The following CDH12 variants were observed in gnomAD, a reference collection of about 807,000 sequenced individuals.
CDH12 encodes cadherin-12.
In CDH12, 41 loss-of-function variants were observed where a neutral mutation model predicts 74.1. That is an observed-to-expected ratio of 0.55 (90% CI 0.43 to 0.72). The LOEUF is 0.72. Among genes scored for constraint, CDH12 ranks in the 30% least tolerant of loss-of-function variants. CDH12 has a pLI of 0.00. For missense variants in CDH12, 945 were observed against 977.2 expected (o/e 0.97, Z 0.44); for synonymous variants, 399 against 355.0 (o/e 1.12, Z -1.39).
At position 22,109,476 on chromosome 5, in the gene CDH12, G is replaced by A. The variant is rs1314990275; in HGVS notation, c.-186-30614C>T. ...TCAGGGAACAAGCACAAAACATGCT[G>A]ATAATACTGTTTACTGCTGTCACTA... is the stretch of plus-strand genomic sequence containing the variant. On this transcript the variant is annotated intron_variant, in intron 4 of 14. Coordinates refer to ENST00000382254, the MANE Select transcript of CDH12 (RefSeq NM_004061.5). 4.6e-5 allele frequency among the ~76,000 whole-genome samples: 7 copies of A among 152,174 alleles called. No homozygotes were observed. In the East Asian group the frequency reaches 1.4e-3, roughly 29 times the overall value.
intron 4 of CDH12, among the ~76,000 whole-genome samples, chr5:22,081,307 TG>T (rs1742711133): frequency 6.6e-6 from 1 of 152,202 alleles, no homozygotes; most frequent in African/African-American, 2.4e-5. Flanking sequence ...GAGAATCTTT[TG>T]CATCTATTTC....
chr5:21,841,078 A>G lies in CDH12; in HGVS notation c.814+1083T>C, dbSNP rs540629639. Among the ~76,000 whole-genome samples the G allele has an allele frequency of 9.9e-5, 15 of 152,246 alleles. No homozygotes were observed. The East Asian group carries it at 2.9e-3, about 29-fold the overall frequency. On this transcript the variant is annotated intron_variant, in intron 8 of 14. Coordinates refer to ENST00000382254, the MANE Select transcript of CDH12 (RefSeq NM_004061.5). ...CATCAGAGTGAACAGGCAACCCACAAAATGGGAGAAAATTTTCGCAAGCTA... is the reference window on the plus strand; with the variant it reads ...CATCAGAGTGAACAGGCAACCCACAGAATGGGAGAAAATTTTCGCAAGCTA...
intron 6 of CDH12, among the ~76,000 whole-genome samples, chr5:21,904,374 G>A (rs1753539598): frequency 6.6e-6 from 1 of 152,046 alleles, no homozygotes; most frequent in Admixed American, 6.6e-5. Context: ...AATAATAATG[G>A]GATGATTATC....
In CDH12 at chr5:21,884,020, T is replaced by C. The variant is rs1344877936; in HGVS notation, c.527-29230A>G. On this transcript the variant is annotated intron_variant, in intron 6 of 14. Coordinates refer to ENST00000382254, the MANE Select transcript of CDH12 (RefSeq NM_004061.5). ...AAAAGAACACTCAAAATTCCAGCAA[T>C]GACCACTGCTACGAATGCAGGTGTT... is the stretch of plus-strand genomic sequence containing the variant. 1.6e-5 allele frequency: 23 copies of C among 1,482,450 alleles called. 1 individual carries two copies. The South Asian group carries it at 2.4e-4, about 15-fold the overall frequency. 91.8% of individuals were successfully genotyped at this position (1,482,450 alleles called of 1,614,324 possible). A position where few individuals can be genotyped will look rare whatever the true frequency, so the allele number is the denominator to read the frequency against.
At position 21,755,683 on chromosome 5, in the gene CDH12, A is replaced by G. The variant is rs1252150914; in HGVS notation, c.1793T>C (p.Ile598Thr). 1.9e-6 allele frequency: 3 copies of G among 1,614,036 alleles called. No homozygotes were observed. Among genetic ancestry groups the G allele is most frequent in the Admixed American group, 1.7e-5 (1 of 59,992 alleles). Residue 598 changes from isoleucine (I) to threonine (T), a missense_variant, in exon 14 of 15, where the codon ATC (isoleucine) becomes ACC (threonine). Physicochemically the swap from Ile to Thr is moderately conservative, Grantham distance 89. Coordinates refer to ENST00000382254, the MANE Select transcript of CDH12 (RefSeq NM_004061.5). ...AATTGCTTCCACATTACAAGACAGG[A>G]TGGTGCCATCAGAGTCACATCTACA... ...RVCRCDSDGTILSCNVEAIFL... is the reference protein window; with the variant it reads ...RVCRCDSDGTTLSCNVEAIFL...
chr5:21,813,367 C>G (rs528887872), intron 9 of CDH12, among the ~76,000 whole-genome samples: 2 of 152,098 alleles, frequency 1.3e-5, no homozygotes, highest in Non-Finnish European at 2.9e-5. Flanking sequence ...GTAATCCCAA[C>G]TACTTGGGAG....
chr5:22,786,066 A>T (rs1190532236), intron 1 of CDH12, among the ~76,000 whole-genome samples: 2 of 152,268 alleles, frequency 1.3e-5, no homozygotes, highest in Non-Finnish European at 2.9e-5. Context: ...ACTCAACTTA[A>T]ATGCCTATCA....
chr5:22,275,335 TG>T (rs1736586480), intron 3 of CDH12, among the ~76,000 whole-genome samples: 1 of 151,742 alleles, frequency 6.6e-6, no homozygotes, highest in South Asian at 2.1e-4. Flanking sequence ...ACATGAAAGT[TG>T]AAAAAAAAAG....
intron 5 of CDH12, among the ~76,000 whole-genome samples, chr5:22,020,056 T>C (rs1737866786): frequency 6.6e-6 from 1 of 152,160 alleles, no homozygotes; most frequent in Admixed American, 6.5e-5. Flanking sequence ...TGGAAGAATC[T>C]TCTGGAAGTG....
At chr5:22,072,564 G>GTGTA (rs1359665430) in intron 5 of CDH12, among the ~76,000 whole-genome samples, 2 of 138,118 alleles carry the variant, frequency 1.4e-5, no homozygotes, top group African/African-American at 5.8e-5. Context: ...GTGTGTGTGT[G>GTGTA]TGTTTAGGCT....
At chr5:22,509,437 T>C (rs1736514919) in intron 1 of CDH12, among the ~76,000 whole-genome samples, 1 of 152,144 alleles carries the variant, frequency 6.6e-6, no homozygotes, top group South Asian at 2.1e-4. Flanking sequence ...CAGTACACCT[T>C]TCAGTGACAT....
At chr5:22,781,344 G>A (rs977328329) in intron 1 of CDH12, among the ~76,000 whole-genome samples, 3 of 152,120 alleles carry the variant, frequency 2.0e-5, no homozygotes, top group Non-Finnish European at 4.4e-5. Context: ...TTCAAAAACA[G>A]GAATTGAAAT....
At chr5:22,348,518 C>G in intron 3 of CDH12, among the ~76,000 whole-genome samples, 1 of 152,154 alleles carries the variant, frequency 6.6e-6, no homozygotes, top group East Asian at 1.9e-4. Flanking sequence ...GTGTTGTGAA[C>G]AGACTGGAAA....
At chr5:21,928,496 T>C (rs1018287685) in intron 6 of CDH12, among the ~76,000 whole-genome samples, 18 of 152,162 alleles carry the variant, frequency 1.2e-4, no homozygotes, top group Non-Finnish European at 2.4e-4. Flanking sequence ...TTATGATGTA[T>C]TGCATGTTCC....
At chr5:22,772,563 G>C (rs1746863117) in intron 1 of CDH12, among the ~76,000 whole-genome samples, 1 of 151,964 alleles carries the variant, frequency 6.6e-6, no homozygotes, top group African/African-American at 2.4e-5. Flanking sequence ...TATTGTAATG[G>C]AAAAATAAAT....
At chr5:22,189,022 T>C (rs1369002460) in intron 4 of CDH12, among the ~76,000 whole-genome samples, 1 of 152,148 alleles carries the variant, frequency 6.6e-6, no homozygotes, top group African/African-American at 2.4e-5. Flanking sequence ...CCCAAACTCT[T>C]TTAATTTTCT....
At chr5:22,117,454 T>TAC (rs1172460744) in intron 4 of CDH12, among the ~76,000 whole-genome samples, 27 of 79,432 alleles carry the variant, frequency 3.4e-4, no homozygotes, top group African/African-American at 1.1e-3. Context: ...ATATAATATA[T>TAC]ATATTATATA....
chr5:22,025,126 T>C (rs1738263857), intron 5 of CDH12, among the ~76,000 whole-genome samples: 1 of 152,256 alleles, frequency 6.6e-6, no homozygotes, highest in East Asian at 1.9e-4. Flanking sequence ...TAGAATTTGA[T>C]TCAGATTAGA....
At chr5:22,470,336 C>T (rs1745904784) in intron 2 of CDH12, among the ~76,000 whole-genome samples, 1 of 151,990 alleles carries the variant, frequency 6.6e-6, no homozygotes, top group Non-Finnish European at 1.5e-5. Context: ...ATTATTGAGA[C>T]TTAAAATTTT....
Sources: allele counts gnomAD v4.1 joint callset (sites outside exome capture counted in the v4.1 genomes callset), GRCh38; gene constraint gnomAD v4.1.1; transcripts MANE v1.5; gene names NCBI Gene and HGNC (gene_info 2026-07-23, HGNC 2026-07-21).